Variants in CEP112 observed in about 807,000 individuals in gnomAD.
CEP112 encodes the protein centrosomal protein of 112 kDa.
Under a neutral mutation model 153.0 loss-of-function variants are expected in CEP112, and 127 were observed. That is an observed-to-expected ratio of 0.83 (90% CI 0.72 to 0.96). CEP112 has a LOEUF of 0.96. Among genes scored for constraint, CEP112 ranks in the 40% least tolerant of loss-of-function variants. The pLI, the probability that CEP112 is intolerant of heterozygous loss-of-function variation, is 0.00. For missense variants in CEP112, 1,089 were observed against 1,101.2 expected, an observed-to-expected ratio of 0.99 and a Z score of 0.16; for synonymous variants, 358 against 374.4, an observed-to-expected ratio of 0.96 and a Z score of 0.51.
chr17:65,866,269 G>A (rs980619027), intron 20 of CEP112, among the ~76,000 whole-genome samples: 3 of 152,216 alleles, frequency 2.0e-5, no homozygotes, highest in African/African-American at 7.2e-5. Context: ...CTGGCCGGTT[G>A]TGCGCACCCT....
At position 65,684,204 on chromosome 17, in the gene CEP112, A is replaced by G. The variant is rs139401963; in HGVS notation, c.2697+4925T>C. Among the ~76,000 whole-genome samples, 124 of 152,324 alleles carry G rather than the reference A, an allele frequency of 8.1e-4. 2 individuals are homozygous for G. In the East Asian group the frequency reaches 0.01, roughly 13 times the overall value. Reference sequence around the variant, plus strand: ...CTCAGACCTAACACTGTTTAGCAAAATACACCTGTTAAAAGAATAAAATGT... The same window carrying G: ...CTCAGACCTAACACTGTTTAGCAAAGTACACCTGTTAAAAGAATAAAATGT... On this transcript the variant is annotated intron_variant, in intron 24 of 26. Transcript: ENST00000535342.
chr17:66,111,490 T>C (rs1449570570), intron 6 of CEP112, among the ~76,000 whole-genome samples: 1 of 152,190 alleles, frequency 6.6e-6, no homozygotes, highest in Non-Finnish European at 1.5e-5. Context: ...AAGAAAATAC[T>C]GTACATATAC....
chr17:65,815,987 T>C (rs1371382367), intron 21 of CEP112, among the ~76,000 whole-genome samples: 1 of 152,014 alleles, frequency 6.6e-6, no homozygotes, highest in East Asian at 1.9e-4. Context: ...TTTCTTGCCT[T>C]GTTGCACTTC....
At chr17:65,783,852 A>T (rs1391182876) in intron 21 of CEP112, among the ~76,000 whole-genome samples, 2 of 152,206 alleles carry the variant, frequency 1.3e-5, no homozygotes, top group Non-Finnish European at 2.9e-5. Context: ...AGTTCCTTTG[A>T]TCGACTATTT....
chr17:65,956,074 T>G (rs1026097754), intron 18 of CEP112, among the ~76,000 whole-genome samples: 2 of 152,078 alleles, frequency 1.3e-5, no homozygotes, highest in Non-Finnish European at 1.5e-5. Context: ...CATGGAACAT[T>G]CCCCAAGATA....
intron 21 of CEP112, among the ~76,000 whole-genome samples, chr17:65,770,657 C>T (rs1184168725): frequency 5.3e-5 from 8 of 151,672 alleles, no homozygotes; most frequent in South Asian, 4.2e-4. Context: ...TAACAAATTG[C>T]GAGGTTTATA....
chr17:65,811,556 CGA>C (rs1482560836), intron 21 of CEP112, among the ~76,000 whole-genome samples: 3 of 152,022 alleles, frequency 2.0e-5, no homozygotes, highest in Admixed American at 6.5e-5. Context: ...CTCAAGAAAC[CGA>C]GAGGCCAATG....
At chr17:65,922,614 C>T (rs1479821567) in intron 19 of CEP112, among the ~76,000 whole-genome samples, 1 of 152,056 alleles carries the variant, frequency 6.6e-6, no homozygotes, top group East Asian at 1.9e-4. Flanking sequence ...TTTTAAAACT[C>T]CCACAGAGAA....
chr17:65,785,750 G>C (rs2054245697), intron 21 of CEP112, among the ~76,000 whole-genome samples: 2 of 152,024 alleles, frequency 1.3e-5, no homozygotes, highest in Admixed American at 6.6e-5. Context: ...GAGTTTCATA[G>C]CATTTTTCTC....
rs1028506864 is a variant in CEP112 at position 65,683,648 on chromosome 17, C to T, written c.2697+5481G>A. The stretch of plus-strand genomic sequence containing the variant: ...CCTAACCTCTTCCTGGTTAAAGATC[C>T]TCTCCTTCCTTCCCATAGGATCAGG... On this transcript the variant is annotated intron_variant, in intron 24 of 26. Transcript: ENST00000535342. Among the ~76,000 whole-genome samples the T allele has an allele frequency of 3.9e-5, 6 of 152,330 alleles. 1 individual carries two copies. In the South Asian group the frequency reaches 1.2e-3, roughly 32 times the overall value.
intron 4 of CEP112, among the ~76,000 whole-genome samples, chr17:66,169,204 G>C (rs913855363): frequency 5.3e-5 from 8 of 151,766 alleles, no homozygotes; most frequent in Admixed American, 5.3e-4. Flanking sequence ...ACATGATACA[G>C]GTTTAAGACA....
intron 12 of CEP112, among the ~76,000 whole-genome samples, chr17:66,037,329 A>T (rs1483844513): frequency 6.6e-6 from 1 of 152,140 alleles, no homozygotes; most frequent in Non-Finnish European, 1.5e-5. Context: ...TTCAATATCC[A>T]TCCACTCTCC....
At chr17:65,955,192 G>T (rs2061962874) in intron 18 of CEP112, among the ~76,000 whole-genome samples, 1 of 152,166 alleles carries the variant, frequency 6.6e-6, no homozygotes, top group South Asian at 2.1e-4. Flanking sequence ...AAGCTGGCAA[G>T]GAGTGGGGTC....
chr17:65,994,558 G>A (rs1405714590), intron 17 of CEP112, among the ~76,000 whole-genome samples: 2 of 152,092 alleles, frequency 1.3e-5, no homozygotes, highest in African/African-American at 4.8e-5. Context: ...CAAACTCATG[G>A]CCTCAAGCAA....
intron 8 of CEP112, among the ~76,000 whole-genome samples, chr17:66,076,375 G>A (rs925502895): frequency 1.3e-5 from 2 of 152,140 alleles, no homozygotes; most frequent in African/African-American, 2.4e-5. Context: ...GGGACATGGT[G>A]GGGGTGAGAC....
At chr17:66,003,900 T>C (rs900980624) in intron 17 of CEP112, among the ~76,000 whole-genome samples, 2 of 151,748 alleles carry the variant, frequency 1.3e-5, no homozygotes, top group South Asian at 2.1e-4. Flanking sequence ...CCACCCCCTA[T>C]CCATGGAAAA....
At chr17:65,920,435 T>A (rs907533700) in intron 19 of CEP112, among the ~76,000 whole-genome samples, 22 of 134,164 alleles carry the variant, frequency 1.6e-4, no homozygotes, top group Non-Finnish European at 3.1e-4. Flanking sequence ...ATTATACATA[T>A]ATTTTATATA....
At chr17:65,958,767 A>G (rs2062090544) in intron 18 of CEP112, among the ~76,000 whole-genome samples, 2 of 152,124 alleles carry the variant, frequency 1.3e-5, no homozygotes, top group African/African-American at 4.8e-5. Flanking sequence ...GTCCCTAGTG[A>G]GGCCTCACCT....
chr17:66,115,755 C>T (rs1255199738), intron 6 of CEP112, among the ~76,000 whole-genome samples: 1 of 152,178 alleles, frequency 6.6e-6, no homozygotes, highest in Non-Finnish European at 1.5e-5. Context: ...AGAGATTAAT[C>T]TGAGATTGAT....
Sources: gnomAD v4.1 joint callset for allele counts (sites outside exome capture counted in the v4.1 genomes callset) on GRCh38, gnomAD v4.1.1 for gene constraint, MANE v1.5 for transcripts, NCBI Gene and HGNC (gene_info 2026-07-23, HGNC 2026-07-21) for gene names.